F5: variants seen among roughly 807,000 people sequenced by gnomAD.
The protein encoded by F5 is activated protein c cofactor.
F5 carries 138 observed loss-of-function variants against 216.4 expected under a neutral mutation model. That is an observed-to-expected ratio of 0.64 (90% CI 0.56 to 0.73). The LOEUF is 0.73. Ranked by LOEUF, F5 falls within the 30% of genes least tolerant of loss-of-function variation. F5 has a pLI of 0.00. For missense variants in F5, 2,403 were observed against 2,674.0 expected (o/e 0.90, Z 2.24); for synonymous variants, 916 against 930.7 (o/e 0.98, Z 0.29).
intron 24 of F5, 150 bp from the exon 25 acceptor site, chr1:169,514,609 A>C: frequency 3.0e-6 from 2 of 672,762 alleles, no homozygotes; most frequent in Non-Finnish European, 5.1e-6. Flanking sequence ...AACTCCTCTC[A>C]AGTAATCCTC....
chr1:169,518,079 G>C (rs1659199485), intron 23 of F5, among the ~76,000 whole-genome samples: 2 of 152,134 alleles, frequency 1.3e-5, no homozygotes, highest in African/African-American at 2.4e-5. Flanking sequence ...TGCTACAATG[G>C]CAGAGTTGAG....
rs377398506 is a variant in F5 at position 169,542,209 on chromosome 1, C to A, written c.2881G>T (p.Asp961Tyr). ...SEKGSYEIIQ[D>Y]TDEDTAVNNW... is the part of the protein sequence containing the mutation. ...TTAACAGCTGTGTCTTCATCAGTATCTTGGATTATTTCATAGCTACCTTTC... is the reference window on the plus strand; with the variant it reads ...TTAACAGCTGTGTCTTCATCAGTATATTGGATTATTTCATAGCTACCTTTC... Residue 961 changes from aspartate to tyrosine, a missense_variant, in exon 13 of 25, where the codon GAT becomes TAT. Coordinates refer to ENST00000367797, the MANE Select transcript of F5 (RefSeq NM_000130.5). The A allele has an allele frequency of 6.2e-6, 10 of 1,613,962 alleles. No individual in the cohort carries two copies. Among genetic ancestry groups the A allele is most frequent in the Non-Finnish European group, 8.5e-6 (10 of 1,180,002 alleles).
intron 6 of F5, 147 bp from the exon 7 acceptor site, chr1:169,555,494 G>A (rs1660299465): frequency 2.2e-6 from 2 of 918,792 alleles, no homozygotes; most frequent in Admixed American, 4.2e-5. Flanking sequence ...GAACATTTTA[G>A]TTTGGAACTC....
chr1:169,545,971 TC>T (rs1448870629), intron 11 of F5, among the ~76,000 whole-genome samples: 1 of 152,206 alleles, frequency 6.6e-6, no homozygotes, highest in African/African-American at 2.4e-5. Flanking sequence ...TGAAATGTCT[TC>T]ATGCATGCCT....
At chr1:169,563,034 A>G (rs1259730071) in intron 3 of F5, among the ~76,000 whole-genome samples, 1 of 152,028 alleles carries the variant, frequency 6.6e-6, no homozygotes, top group Non-Finnish European at 1.5e-5. Context: ...TTGTATGTCT[A>G]AAACACTCTT....
chr1:169,513,186 A>T lies in F5; in HGVS notation c.*1127T>A, dbSNP rs1267253902. ...TATTTATGGTATACATAACATTTTG[A>T]TATATGTACACGTTACAGGATGATT... On this transcript the variant is annotated 3_prime_UTR_variant, in exon 25 of 25. Coordinates refer to ENST00000367797, the MANE Select transcript of F5 (RefSeq NM_000130.5). Among the ~76,000 whole-genome samples, 1 of 152,022 alleles carries T rather than the reference A, an allele frequency of 6.6e-6. No homozygotes were observed. The highest frequency in any genetic ancestry group is 1.5e-5 in the Non-Finnish European group (1 of 67,992).
At chr1:169,528,213 G>T in intron 16 of F5, 119 bp from the exon 17 acceptor site, 1 of 1,259,772 alleles carries the variant, frequency 7.9e-7, no homozygotes, top group Non-Finnish European at 1.1e-6. Flanking sequence ...GCATTCCCAG[G>T]CCTACCTAGC....
chr1:169,518,828 A>C (rs1285548572), intron 22 of F5, among the ~76,000 whole-genome samples: 1 of 152,198 alleles, frequency 6.6e-6, no homozygotes, highest in Non-Finnish European at 1.5e-5. Flanking sequence ...TCAGAAACTG[A>C]ATTGAGTTCA....
intron 2 of F5, among the ~76,000 whole-genome samples, chr1:169,573,579 GAAC>G (rs1352240152): frequency 1.3e-5 from 2 of 152,188 alleles, no homozygotes; most frequent in Non-Finnish European, 2.9e-5. Flanking sequence ...TGTTTTATCA[GAAC>G]AACTGGGTAA....
At chr1:169,537,973 T>C (rs1659745469) in intron 13 of F5, among the ~76,000 whole-genome samples, 1 of 152,132 alleles carries the variant, frequency 6.6e-6, no homozygotes, top group Admixed American at 6.6e-5. Context: ...ATCCCACTTT[T>C]GGGTATATAC....
chr1:169,583,906 A>G (rs555312415), intron 1 of F5, among the ~76,000 whole-genome samples: 1 of 152,350 alleles, frequency 6.6e-6, no homozygotes, highest in East Asian at 1.9e-4. Context: ...ACTACTTGGT[A>G]AGGTCATTGG....
intron 3 of F5, among the ~76,000 whole-genome samples, chr1:169,570,134 T>C (rs543059900): frequency 3.3e-5 from 5 of 152,130 alleles, no homozygotes; most frequent in Non-Finnish European, 7.4e-5. Flanking sequence ...GGCAATATTA[T>C]ATGCCAATAA....
chr1:169,550,032 T>G lies in F5; in HGVS notation c.1397-17A>C. The G allele has an allele frequency of 6.2e-7, 1 of 1,605,364 alleles. No individual in the cohort carries two copies. Among genetic ancestry groups the G allele is most frequent in the African/African-American group, 1.3e-5 (1 of 74,866 alleles). ...TGTTCCTGCCTGAAAGAAAATATAT[T>G]CAAAATTGTTTTCATTTGCAAAGTT... On this transcript the variant is annotated splice_polypyrimidine_tract_variant and intron_variant, in intron 9 of 24. Transcript: ENST00000367797.
At chr1:169,576,725 G>A (rs1398705263) in intron 2 of F5, among the ~76,000 whole-genome samples, 3 of 152,104 alleles carry the variant, frequency 2.0e-5, no homozygotes, top group Non-Finnish European at 2.9e-5. Flanking sequence ...AGTTTCCACT[G>A]ACTATTCCCA....
chr1:169,534,752 T>G (rs1040914386), intron 14 of F5, among the ~76,000 whole-genome samples: 6 of 152,068 alleles, frequency 3.9e-5, no homozygotes, highest in Admixed American at 1.3e-4. Context: ...ACAGCATTAT[T>G]CACAGTAGCA....
chr1:169,516,691 G>A (rs977124419), intron 23 of F5, among the ~76,000 whole-genome samples: 1 of 152,150 alleles, frequency 6.6e-6, no homozygotes. Context: ...GCATAAAAGA[G>A]GTAGAGACAT....
intron 2 of F5, 127 bp downstream of exon 2, chr1:169,582,304 T>A: frequency 1.9e-6 from 1 of 531,336 alleles, no homozygotes. Flanking sequence ...ATGTAGCCAG[T>A]ACTTCTTAAA....
intron 2 of F5, among the ~76,000 whole-genome samples, chr1:169,577,560 AATATATATATATATATATATATATAT>A (rs3035292): frequency 4.2e-4 from 23 of 54,468 alleles, no homozygotes; most frequent in South Asian, 3.2e-3. Flanking sequence ...GGCTAATTTA[AATATATATATATATATATATATATAT>A]ATATATATAT....
rs752228138 is a variant in F5 at position 169,518,573 on chromosome 1, G to A, written c.6194-10C>T. 2.5e-5 allele frequency: 41 copies of A among 1,613,358 alleles called. No homozygotes were observed. In the South Asian group the frequency reaches 4.4e-4, roughly 17 times the overall value. On this transcript the variant is annotated splice_polypyrimidine_tract_variant and intron_variant, in intron 22 of 24. Coordinates refer to ENST00000367797, the MANE Select transcript of F5 (RefSeq NM_000130.5). ...AGGGGTGTGGAACATCCTATCAAAA[G>A]AAAAGTAACGTGATTAATTACACAC...
Sources: gnomAD v4.1 joint callset for allele counts (sites outside exome capture counted in the v4.1 genomes callset) on GRCh38, gnomAD v4.1.1 for gene constraint, MANE v1.5 for transcripts, NCBI Gene and HGNC (gene_info 2026-07-23, HGNC 2026-07-21) for gene names.